AFG3L2: variants seen among roughly 807,000 people sequenced by gnomAD.
The protein encoded by AFG3L2 is AFG3 like matrix AAA peptidase subunit 2, also known as mitochondrial inner membrane m-AAA protease component AFG3L2.
A neutral mutation model predicts 94.5 loss-of-function variants in AFG3L2; 54 were observed. The observed-to-expected ratio is 0.57, with a 90% CI of 0.46 to 0.72. The LOEUF (loss-of-function observed/expected upper bound fraction) is 0.72, where lower values mean the gene tolerates loss of function less well. AFG3L2 is among the 30% of genes least tolerant of loss of function. The pLI is 0.00. For missense variants in AFG3L2, 754 were observed against 994.9 expected (o/e 0.76, Z 3.26); for synonymous variants, 377 against 365.5 (o/e 1.03, Z -0.36).
chr18:12,343,354 T>TA (rs1259909705), intron 14 of AFG3L2: 3 of 152,248 alleles, frequency 2.0e-5, no homozygotes, highest in African/African-American at 2.4e-5. Context: ...TTCCTTAGGA[T>TA]GTTTTATGGA....
chr18:12,359,033 G>T, intron 7 of AFG3L2, 90 bp from the exon 8 acceptor site: 1 of 1,514,840 alleles, frequency 6.6e-7, no homozygotes, highest in South Asian at 1.2e-5. Context: ...AATATATATA[G>T]CTACACCAAG....
chr18:12,340,289 C>G lies in AFG3L2; in HGVS notation c.1892G>C (p.Gly631Ala). The G allele has an allele frequency of 6.2e-7, 1 of 1,614,180 alleles. No homozygotes were observed. The highest frequency in any genetic ancestry group is 8.5e-7 in the Non-Finnish European group (1 of 1,180,034). ...LLDRMCMTLGGRVSEEIFFGR... is the reference protein window; with the variant it reads ...LLDRMCMTLGARVSEEIFFGR... ...AAAGAAGATTTCTTCAGAGACTCGA[C>G]CACCTAAAGTCATACACATCCTATC... Residue 631 changes from glycine to alanine, a missense_variant, in exon 15 of 17, where the codon GGT (glycine) becomes GCT (alanine). By Grantham distance (60) the Gly-to-Ala change is moderately conservative. Around this residue, in one of 4 missense-constraint regions of AFG3L2, gnomAD observed 279 missense variants for 378.6 expected, o/e 0.74. Transcript: ENST00000269143.
intron 9 of AFG3L2, among the ~76,000 whole-genome samples, chr18:12,354,073 C>T (rs1598831001): frequency 6.6e-6 from 1 of 151,802 alleles, no homozygotes; most frequent in South Asian, 2.1e-4. Flanking sequence ...CAGCACCTCA[C>T]CATCAGTCAC....
rs369493795 is a variant in AFG3L2, at chr18:12,373,183, T to C, written c.115-1492A>G. 1.1e-3 allele frequency among the ~76,000 whole-genome samples: 174 copies of C among 152,334 alleles called. 1 individual carries two copies. The highest frequency in any genetic ancestry group is 4.0e-3 in the African/African-American group (168 of 41,580). ...TACTGGCCTGGGAGACTTTGGAGCT[T>C]ATGTTGTGTTACACCCTGCCCAACC... On this transcript the variant is annotated intron_variant, in intron 1 of 16. Transcript: ENST00000269143.
At chr18:12,371,961 A>G (rs1909004687) in intron 1 of AFG3L2, among the ~76,000 whole-genome samples, 1 of 152,246 alleles carries the variant, frequency 6.6e-6, no homozygotes, top group South Asian at 2.1e-4. Context: ...AATTATAATT[A>G]TGTGACAACA....
At chr18:12,355,853 T>C (rs955248667) in intron 9 of AFG3L2, among the ~76,000 whole-genome samples, 2 of 152,048 alleles carry the variant, frequency 1.3e-5, no homozygotes, top group African/African-American at 4.8e-5. Flanking sequence ...TTTGTTTTTT[T>C]AGTAGAGATG....
At chr18:12,369,589 C>T (rs1465121421) in intron 3 of AFG3L2, among the ~76,000 whole-genome samples, 1 of 151,532 alleles carries the variant, frequency 6.6e-6, no homozygotes, top group South Asian at 2.1e-4. Flanking sequence ...GGCATGGTGG[C>T]GCATGCCTAT....
intron 12 of AFG3L2, among the ~76,000 whole-genome samples, chr18:12,350,828 G>C (rs1368764824): frequency 6.6e-6 from 1 of 152,096 alleles, no homozygotes; most frequent in Non-Finnish European, 1.5e-5. Flanking sequence ...CATGCCTGTA[G>C]TCCCAGCTAC....
At chr18:12,340,108 A>T (rs746779159) in intron 15 of AFG3L2, 93 bp downstream of exon 15, 18 of 1,195,308 alleles carry the variant, frequency 1.5e-5, no homozygotes, top group Middle Eastern at 1.9e-4. Flanking sequence ...ACAGTGAAGC[A>T]CAACTATATT....
Position 12,333,370 on chromosome 18 carries a change from T to TCC in AFG3L2, c.2176-3589_2176-3588dup, listed in dbSNP as rs746184381. 2.1e-4 allele frequency among the ~76,000 whole-genome samples: 28 copies of TCC among 132,604 alleles called. No homozygotes were observed. In the South Asian group the frequency reaches 2.5e-3, roughly 12 times the overall value. The allele number at this position is 132,604 out of a possible 152,430, so 87.0% of individuals were successfully genotyped here. Reference sequence around the variant, plus strand: ...TATATAATTATATATATATATTTTTTCCCCCTGAAACAGGGTCTCACTTGT... The same window carrying TCC: ...TATATAATTATATATATATATTTTTTCCCCCCCTGAAACAGGGTCTCACTTGT... On this transcript the variant is annotated intron_variant, in intron 16 of 16. Transcript: ENST00000269143.
chr18:12,346,265 C>T (rs140454703), intron 13 of AFG3L2, among the ~76,000 whole-genome samples: 2 of 152,316 alleles, frequency 1.3e-5, no homozygotes, highest in Admixed American at 6.5e-5. Context: ...AACATTTCCT[C>T]TGCAACTCCC....
chr18:12,340,729 C>T (rs1293065245), intron 14 of AFG3L2, among the ~76,000 whole-genome samples: 3 of 151,830 alleles, frequency 2.0e-5, no homozygotes, highest in African/African-American at 7.3e-5. Flanking sequence ...CTGAGTAGCT[C>T]GGATTATAAG....
At chr18:12,370,743 G>C (rs1441431027) in intron 3 of AFG3L2, 106 bp downstream of exon 3, 4 of 799,228 alleles carry the variant, frequency 5.0e-6, no homozygotes, top group Middle Eastern at 2.4e-4. Context: ...ACAGGCGTGA[G>C]ACACTGTGCC....
At chr18:12,330,378 T>C (rs1907483688) in intron 16 of AFG3L2, among the ~76,000 whole-genome samples, 1 of 151,256 alleles carries the variant, frequency 6.6e-6, no homozygotes, top group Non-Finnish European at 1.5e-5. Flanking sequence ...TCTATATACA[T>C]CTCAGAGATA....
At chr18:12,353,261 T>A in intron 9 of AFG3L2, 103 bp from the exon 10 acceptor site, 1 of 1,415,280 alleles carries the variant, frequency 7.1e-7, no homozygotes, top group Non-Finnish European at 9.7e-7. Flanking sequence ...ATGCCTGTAA[T>A]CCCAGCACTG....
chr18:12,350,645 A>G (rs1468608946), intron 12 of AFG3L2, among the ~76,000 whole-genome samples: 1 of 152,214 alleles, frequency 6.6e-6, no homozygotes, highest in Non-Finnish European at 1.5e-5. Context: ...GAAATTTCCC[A>G]TAATAACAAA....
intron 12 of AFG3L2, among the ~76,000 whole-genome samples, chr18:12,349,655 A>T (rs1056319614): frequency 2.6e-5 from 4 of 151,608 alleles, no homozygotes; most frequent in African/African-American, 9.8e-5. Context: ...ACAAAAGACC[A>T]CATGTTTTTA....
At chr18:12,360,533 C>T (rs1317181933) in intron 6 of AFG3L2, among the ~76,000 whole-genome samples, 1 of 152,232 alleles carries the variant, frequency 6.6e-6, no homozygotes, top group East Asian at 1.9e-4. Context: ...TCCTAAGAAG[C>T]AGGTGCCATC....
At chr18:12,339,173 G>C (rs537350823) in intron 15 of AFG3L2, among the ~76,000 whole-genome samples, 1 of 148,608 alleles carries the variant, frequency 6.7e-6, no homozygotes, top group African/African-American at 2.5e-5. Flanking sequence ...CCTGGCAGGC[G>C]GAGCTTGCAG....
Sources: gnomAD v4.1 joint callset for allele counts (sites outside exome capture counted in the v4.1 genomes callset) on GRCh38, gnomAD v4.1.1 for gene constraint, gnomAD v4.1.1 regional missense constraint, MANE v1.5 for transcripts, NCBI Gene and HGNC (gene_info 2026-07-23, HGNC 2026-07-21) for gene names.